Variants in AAK1 observed in about 807,000 individuals in gnomAD.
AAK1 encodes the protein AP2 associated kinase 1.
In AAK1, 37 loss-of-function variants were observed where a neutral mutation model predicts 116.0. The ratio of observed to expected loss-of-function variants is 0.32; its 90% CI spans 0.25 to 0.42. AAK1 has a LOEUF of 0.42. Ranked by LOEUF, AAK1 falls within the 10% of genes least tolerant of loss-of-function variation. The probability of loss-of-function intolerance (pLI) is 1.00; values close to 1 mark genes in which losing one functional copy is unlikely to be tolerated. For missense variants in AAK1, 919 were observed against 1,170.6 expected (o/e 0.79, Z 3.14); for synonymous variants, 458 against 439.9 (o/e 1.04, Z -0.51).
In AAK1 at chr2:69,540,121, C is replaced by CTTTT. The variant is rs538276702; in HGVS notation, c.534+2398_534+2401dup. ...AACATGCATTCCCTGCCCCACTTGC[C>CTTTT]TTTTTTTTTTTTTTTTTTGAGACAG... On this transcript the variant is annotated intron_variant, in intron 5 of 21. Coordinates refer to ENST00000409085, the MANE Select transcript of AAK1 (RefSeq NM_014911.5). Among the ~76,000 whole-genome samples, 95 of 127,806 alleles carry CTTTT rather than the reference C, an allele frequency of 7.4e-4. 20 individuals are homozygous for CTTTT. The highest frequency in any genetic ancestry group is 2.7e-3 in the African/African-American group (87 of 32,356). The allele number at this position is 127,806 out of a possible 152,430, so 83.8% of individuals were successfully genotyped here.
intron 2 of AAK1, among the ~76,000 whole-genome samples, chr2:69,618,253 T>C (rs982357600): frequency 1.3e-5 from 2 of 151,602 alleles, no homozygotes; most frequent in Non-Finnish European, 2.9e-5. Context: ...AATAAATATA[T>C]AATATTCAAT....
intron 2 of AAK1, among the ~76,000 whole-genome samples, chr2:69,620,825 A>C (rs768078484): frequency 7.2e-5 from 11 of 152,174 alleles, no homozygotes; most frequent in Non-Finnish European, 1.6e-4. Context: ...CTGACTCTTG[A>C]CTAGTGATTT....
At chr2:69,507,605 CA>C (rs1291457450) in intron 14 of AAK1, 27 bp from the exon 15 acceptor site, 1 of 1,532,402 alleles carries the variant, frequency 6.5e-7, no homozygotes, top group Non-Finnish European at 8.8e-7. Context: ...CCCCACGAAA[CA>C]AAAAGATATA....
intron 4 of AAK1, 135 bp downstream of exon 4, chr2:69,544,301 A>G: frequency 1.5e-6 from 1 of 645,906 alleles, no homozygotes; most frequent in Non-Finnish European, 2.7e-6. Context: ...AGCAGACTGT[A>G]TCTTTTAGTT....
rs1381928718 is a variant in AAK1 at position 69,509,280 on chromosome 2, T to C, written c.1957A>G (p.Thr653Ala). ...GCTGCAGCTGCCTGGAGCAGCTGGG[T>C]TGATTTGCTGGCAGGGACCCCAAAG... ...AVFGVPASKS[T>A]QLLQAAAAEA... The change falls in exon 14 of 22, where the codon ACC (threonine) becomes GCC (alanine). Residue 653 changes from threonine (T) to alanine (A), a missense_variant. Coordinates refer to ENST00000409085, the MANE Select transcript of AAK1 (RefSeq NM_014911.5). 1.9e-6 allele frequency: 3 copies of C among 1,613,814 alleles called. No homozygotes were observed. Among genetic ancestry groups the C allele is most frequent in the East Asian group, 2.2e-5 (1 of 44,880 alleles).
chr2:69,586,993 C>T (rs2105157325), intron 2 of AAK1, among the ~76,000 whole-genome samples: 1 of 152,252 alleles, frequency 6.6e-6, no homozygotes, highest in East Asian at 1.9e-4. Context: ...GGACTTGAGG[C>T]TGGGTCCTTC....
intron 17 of AAK1, among the ~76,000 whole-genome samples, chr2:69,491,624 GA>G (rs1675526009): frequency 6.6e-6 from 1 of 152,108 alleles, no homozygotes; most frequent in Non-Finnish European, 1.5e-5. Context: ...ATTTCAACAA[GA>G]GAAAAATATC....
chr2:69,627,092 A>C (rs1482403826), intron 2 of AAK1, among the ~76,000 whole-genome samples: 1 of 152,064 alleles, frequency 6.6e-6, no homozygotes, highest in Admixed American at 6.5e-5. Context: ...GTTCGAGACC[A>C]GCCTGGCCAA....
intron 9 of AAK1, among the ~76,000 whole-genome samples, chr2:69,526,577 G>A (rs532004638): frequency 3.9e-5 from 6 of 152,222 alleles, no homozygotes; most frequent in Admixed American, 2.6e-4. Flanking sequence ...CAAAGTGCTG[G>A]GATTACAGAC....
chr2:69,489,809 G>C (rs1675449705), intron 17 of AAK1, among the ~76,000 whole-genome samples: 1 of 152,170 alleles, frequency 6.6e-6, no homozygotes, highest in Non-Finnish European at 1.5e-5. Context: ...TCTGCAAGTT[G>C]GAAGCAAAAG....
intron 6 of AAK1, among the ~76,000 whole-genome samples, chr2:69,531,375 T>C (rs1458144415): frequency 1.3e-5 from 2 of 152,124 alleles, no homozygotes; most frequent in African/African-American, 4.8e-5. Context: ...GGCATGGTTG[T>C]CTGGGGTGAC....
chr2:69,507,489 T>C lies in AAK1; in HGVS notation c.2096A>G (p.Asp699Gly), dbSNP rs1400382967. The change falls in exon 15 of 22, where the codon GAT becomes GGT. Residue 699 changes from aspartate to glycine, a missense_variant. This residue lies in a region of AAK1 where 125 missense variants were observed against 184.1 expected (regional missense o/e 0.68). Coordinates refer to ENST00000409085, the MANE Select transcript of AAK1 (RefSeq NM_014911.5). Reference protein sequence around the residue: ...PSEGSTWNPFDDDNFSKLTAE... With the variant: ...PSEGSTWNPFGDDNFSKLTAE... ...TGTGAGTTTGGAGAAATTATCGTCA[T>C]CAAAGGGATTCCACGTAGACCCTTC... is the stretch of plus-strand genomic sequence containing the variant. 6.2e-7 allele frequency: 1 copy of C among 1,612,886 alleles called. No individual in the cohort carries two copies. The highest frequency in any genetic ancestry group is 8.5e-7 in the Non-Finnish European group (1 of 1,179,458).
Position 69,509,478 on chromosome 2 carries a change from G to A in AAK1, c.1777-18C>T, listed in dbSNP as rs370320294. The stretch of plus-strand genomic sequence containing the variant: ...GCTTGAATCTGCTAGGAAGAGAGAC[G>A]GAAAGTGTTTCATTAAATTAAAAAA... On this transcript the variant is annotated intron_variant, in intron 13 of 21. Transcript: ENST00000409085. The A allele has an allele frequency of 1.1e-5, 17 of 1,583,438 alleles. No individual in the cohort carries two copies. The highest frequency in any genetic ancestry group is 9.5e-5 in the African/African-American group (7 of 73,570).
intron 2 of AAK1, among the ~76,000 whole-genome samples, chr2:69,582,756 A>C (rs561608617): frequency 6.6e-6 from 1 of 152,364 alleles, no homozygotes; most frequent in Admixed American, 6.5e-5. Context: ...GTCAAAAGGA[A>C]GAGAAGAGAC....
rs529260725 is a variant in AAK1 at position 69,471,232 on chromosome 2, C to T, written c.*4637G>A. 1 of 985,422 alleles carries T rather than the reference C, an allele frequency of 1.0e-6. No homozygotes were observed. The highest frequency in any genetic ancestry group is 1.7e-5 in the African/African-American group (1 of 57,350). The allele number at this position is 985,422 out of a possible 1,614,324, so 61.0% of individuals were successfully genotyped here. A position where few individuals can be genotyped will look rare whatever the true frequency, so the allele number is the denominator to read the frequency against. On this transcript the variant is annotated 3_prime_UTR_variant, in exon 22 of 22. Coordinates refer to ENST00000409085, the MANE Select transcript of AAK1 (RefSeq NM_014911.5). ...GTGTCTTTAATTCTAGCAACTACCA[C>T]CATTTGGTAACTTCTTTGCATAGGT...
chr2:69,477,483 A>C (rs1345602192), intron 20 of AAK1, among the ~76,000 whole-genome samples: 1 of 152,128 alleles, frequency 6.6e-6, no homozygotes, highest in Non-Finnish European at 1.5e-5. Context: ...CTGCACTGTG[A>C]CTGGGAAAAA....
chr2:69,495,952 C>T (rs1327061346), intron 17 of AAK1, 33 bp downstream of exon 17: 2 of 1,522,666 alleles, frequency 1.3e-6, no homozygotes, highest in East Asian at 2.5e-5. Context: ...GCAAATCAAG[C>T]TGCTTAACCT....
intron 2 of AAK1, among the ~76,000 whole-genome samples, chr2:69,600,692 C>T (rs1673537485): frequency 6.6e-6 from 1 of 152,194 alleles, no homozygotes; most frequent in Admixed American, 6.5e-5. Context: ...ATTACATCAA[C>T]TTAGCTGATA....
rs1186335049 is a variant in AAK1, at chr2:69,466,224, G to A, written c.*9645C>T. The A allele has an allele frequency of 3.9e-6, 5 of 1,289,666 alleles. No homozygotes were observed. In the Admixed American group the frequency reaches 9.2e-5, roughly 24 times the overall value. The allele number at this position is 1,289,666 out of a possible 1,614,324, so 79.9% of individuals were successfully genotyped here. On this transcript the variant is annotated 3_prime_UTR_variant, in exon 22 of 22. Coordinates refer to ENST00000409085, the MANE Select transcript of AAK1 (RefSeq NM_014911.5). ...CTTTGCTTGCTCAGGAGAGACTTCTGGTGGAGCGAATGGAACGGCTCCTCC... is the reference window on the plus strand; with the variant it reads ...CTTTGCTTGCTCAGGAGAGACTTCTAGTGGAGCGAATGGAACGGCTCCTCC...
Sources: gnomAD v4.1 joint callset for allele counts (sites outside exome capture counted in the v4.1 genomes callset) on GRCh38, gnomAD v4.1.1 for gene constraint, gnomAD v4.1.1 regional missense constraint, MANE v1.5 for transcripts, NCBI Gene and HGNC (gene_info 2026-07-23, HGNC 2026-07-21) for gene names.